Variants in KIF15 observed in about 807,000 individuals in gnomAD.
KIF15 encodes kinesin family member 15.
KIF15 carries 140 observed loss-of-function variants against 190.6 expected under a neutral mutation model. The ratio of observed to expected loss-of-function variants is 0.73; its 90% CI spans 0.64 to 0.84. The LOEUF (loss-of-function observed/expected upper bound fraction) is 0.84, where lower values mean the gene tolerates loss of function less well. Ranked by LOEUF, KIF15 falls within the 40% of genes least tolerant of loss-of-function variation. The pLI, the probability that KIF15 is intolerant of heterozygous loss-of-function variation, is 0.00. For missense variants in KIF15, 1,372 were observed against 1,584.4 expected (o/e 0.87, Z 2.28); for synonymous variants, 528 against 551.3 (o/e 0.96, Z 0.59).
intron 3 of KIF15, among the ~76,000 whole-genome samples, chr3:44,776,073 C>CT (rs1467371538): frequency 4.8e-5 from 7 of 146,852 alleles, no homozygotes; most frequent in Non-Finnish European, 1.0e-4. Context: ...GAGCAAGACT[C>CT]TGTCTCAAAA....
Position 44,798,325 on chromosome 3 carries a change from GC to G in KIF15, c.1098+370del, listed in dbSNP as rs1214494914. ...CTACAGGCATGCAGCACCATGCCAGGCTAATTTTTTTATTTTTTTAATTTTT... is the reference window on the plus strand; with the variant it reads ...CTACAGGCATGCAGCACCATGCCAGGTAATTTTTTTATTTTTTTAATTTTT... On this transcript the variant is annotated intron_variant, in intron 10 of 34. Coordinates refer to ENST00000326047, the MANE Select transcript of KIF15 (RefSeq NM_020242.3). Among the ~76,000 whole-genome samples, 6 of 150,348 alleles carry G rather than the reference GC, an allele frequency of 4.0e-5. No homozygotes were observed. The East Asian group carries it at 1.2e-3, about 29-fold the overall frequency.
chr3:44,794,131 A>C, intron 7 of KIF15, 86 bp from the exon 8 acceptor site: 1 of 1,083,450 alleles, frequency 9.2e-7, no homozygotes. Context: ...TCCTCCAGAC[A>C]TGGCCTCCCA....
intron 6 of KIF15, chr3:44,864,903 A>G: frequency 9.1e-7 from 1 of 1,093,718 alleles, no homozygotes; most frequent in South Asian, 1.6e-5. Flanking sequence ...GATGAAGGTG[A>G]CAGCTAGGTT....
chr3:44,834,546 G>C (rs114101152), intron 26 of KIF15, among the ~76,000 whole-genome samples: 2,838 of 152,256 alleles, frequency 0.019, 75 homozygotes, highest in African/African-American at 0.064. Context: ...GTGTTAAAAC[G>C]TTAGGAGAGA....
At chr3:44,867,960 G>A (rs889259955) in intron 6 of KIF15, among the ~76,000 whole-genome samples, 19 of 152,186 alleles carry the variant, frequency 1.2e-4, no homozygotes, top group African/African-American at 3.9e-4. Context: ...CATTCCTTTC[G>A]TTTAATTTTA....
intron 16 of KIF15, among the ~76,000 whole-genome samples, chr3:44,808,974 G>A (rs1393801426): frequency 2.6e-5 from 4 of 152,164 alleles, no homozygotes; most frequent in East Asian, 1.9e-4. Context: ...TTTCCAGTGC[G>A]TGCATTCTCT....
chr3:44,792,428 C>T (rs948943457), intron 7 of KIF15, among the ~76,000 whole-genome samples: 2 of 151,874 alleles, frequency 1.3e-5, no homozygotes, highest in African/African-American at 4.8e-5. Flanking sequence ...GAGACATGAA[C>T]ATGTCACTAC....
rs369068128 is a variant in KIF15 at position 44,774,403 on chromosome 3, C to T, written c.28C>T (p.Arg10Cys). Reference protein sequence around the residue: MAPGCKTELRSVTNGQSNQP... With the variant: MAPGCKTELCSVTNGQSNQP... ...ACTTTTTTTTTTTCTAGCTGAGTTA[C>T]GCAGCGTGACAAATGGTCAGTCTAA... The change falls in exon 2 of 35, where the codon CGC (arginine) becomes TGC (cysteine). Residue 10 changes from arginine (R) to cysteine (C), a missense_variant. Transcript: ENST00000326047. 3.4e-5 allele frequency: 55 copies of T among 1,611,392 alleles called. No homozygotes were observed. Among genetic ancestry groups the T allele is most frequent in the African/African-American group, 3.3e-4 (25 of 74,642 alleles).
At chr3:44,785,003 T>G in intron 6 of KIF15, 61 bp downstream of exon 6, 4 of 794,694 alleles carry the variant, frequency 5.0e-6, no homozygotes, top group South Asian at 1.6e-5. Flanking sequence ...AGGTAGCTAC[T>G]GATAATTAGC....
At chr3:44,803,803 A>C (rs72875747) in intron 14 of KIF15, among the ~76,000 whole-genome samples, 1,777 of 152,336 alleles carry the variant, frequency 0.012, 31 homozygotes, top group African/African-American at 0.039. Context: ...AGTCACAGTA[A>C]CTGGGTTGGG....
chr3:44,867,418 G>A (rs144598017), intron 6 of KIF15, among the ~76,000 whole-genome samples: 3 of 152,316 alleles, frequency 2.0e-5, no homozygotes, highest in African/African-American at 7.2e-5. Context: ...GCTTTCCAGG[G>A]TGTGTTCACC....
chr3:44,866,198 G>A (rs1418786209), intron 6 of KIF15, among the ~76,000 whole-genome samples: 2 of 151,258 alleles, frequency 1.3e-5, no homozygotes, highest in African/African-American at 2.4e-5. Flanking sequence ...TCAGCTTCCC[G>A]AGTAGCTGGG....
At chr3:44,844,002 A>G (rs995634966) in intron 30 of KIF15, among the ~76,000 whole-genome samples, 1 of 152,184 alleles carries the variant, frequency 6.6e-6, no homozygotes, top group African/African-American at 2.4e-5. Context: ...GATTCTGCCT[A>G]TTGTAACTTT....
intron 6 of KIF15, among the ~76,000 whole-genome samples, chr3:44,866,771 C>T (rs1308652290): frequency 6.6e-6 from 1 of 152,206 alleles, no homozygotes; most frequent in Non-Finnish European, 1.5e-5. Flanking sequence ...CAAGAGTTCT[C>T]TTCCGCAATG....
At chr3:44,790,695 C>CTTTTTTTTTTTTTTTTTTTTTTTTT (rs56414094) in intron 7 of KIF15, among the ~76,000 whole-genome samples, 2 of 97,974 alleles carry the variant, frequency 2.0e-5, no homozygotes, top group Non-Finnish European at 3.9e-5. Context: ...TTTTCTGTTT[C>CTTTTTTTTTTTTTTTTTTTTTTTTT]TTTTTTTTTT....
intron 30 of KIF15, among the ~76,000 whole-genome samples, chr3:44,845,062 G>C (rs771511412): frequency 6.6e-6 from 1 of 152,192 alleles, no homozygotes; most frequent in Admixed American, 6.5e-5. Flanking sequence ...GACTGAGTGA[G>C]GCAATGGCAA....
chr3:44,794,090 A>G, intron 7 of KIF15, 127 bp from the exon 8 acceptor site: 1 of 689,438 alleles, frequency 1.5e-6, no homozygotes, highest in Non-Finnish European at 2.5e-6. Context: ...TATGTAGGTC[A>G]GGCTGGTCTT....
At chr3:44,813,680 G>A (rs1283232226) in intron 19 of KIF15, among the ~76,000 whole-genome samples, 3 of 147,134 alleles carry the variant, frequency 2.0e-5, no homozygotes, top group Non-Finnish European at 4.5e-5. Flanking sequence ...AGGCTGGAGC[G>A]CAGTGGCGGG....
At position 44,802,830 on chromosome 3, in the gene KIF15, GA is replaced by G. The variant is rs1452544039; in HGVS notation, c.1527del (p.Val510LeufsTer18). 1 of 1,585,714 alleles carries G rather than the reference GA, an allele frequency of 6.3e-7. No homozygotes were observed. The highest frequency in any genetic ancestry group is 8.5e-7 in the Non-Finnish European group (1 of 1,171,760). On this transcript the variant is annotated frameshift_variant, in exon 14 of 35. Coordinates refer to ENST00000326047, the MANE Select transcript of KIF15 (RefSeq NM_020242.3). LOFTEE classifies it high-confidence loss of function. ...ATGTCACAGATAGAGCACCACCCCA[GA>G]GTTGCAAAGTATGCTATGGAAAATC... ...TLREQIEHHP[R>X]VAKYAMENHS...
Sources: gnomAD v4.1 joint callset for allele counts (sites outside exome capture counted in the v4.1 genomes callset) on GRCh38, gnomAD v4.1.1 for gene constraint, MANE v1.5 for transcripts, NCBI Gene and HGNC (gene_info 2026-07-23, HGNC 2026-07-21) for gene names.